Variants in FAM168A observed in about 807,000 individuals in gnomAD.
FAM168A encodes the protein protein FAM168A.
In FAM168A, 3 loss-of-function variants were observed where a neutral mutation model predicts 28.5. That is an observed-to-expected ratio of 0.11 (90% CI 0.05 to 0.27). The LOEUF (loss-of-function observed/expected upper bound fraction) is 0.27, where lower values mean the gene tolerates loss of function less well. Ranked by LOEUF, FAM168A falls within the 10% of genes least tolerant of loss-of-function variation. FAM168A has a pLI of 1.00. For missense variants in FAM168A, 222 were observed against 311.5 expected (o/e 0.71, Z 2.16); for synonymous variants, 122 against 124.2 (o/e 0.98, Z 0.12).
intron 1 of FAM168A, among the ~76,000 whole-genome samples, chr11:73,574,523 A>G (rs1034999577): frequency 2.6e-5 from 4 of 152,192 alleles, no homozygotes; most frequent in African/African-American, 9.7e-5. Context: ...TATTAGTTTA[A>G]CAGCATCACA....
At chr11:73,565,457 G>A (rs1455579761) in intron 1 of FAM168A, among the ~76,000 whole-genome samples, 1 of 152,030 alleles carries the variant, frequency 6.6e-6, no homozygotes, top group Non-Finnish European at 1.5e-5. Context: ...CGGTAGGTAG[G>A]GTTTGCATCT....
At chr11:73,531,182 A>C (rs959324682) in intron 1 of FAM168A, among the ~76,000 whole-genome samples, 1 of 152,186 alleles carries the variant, frequency 6.6e-6, no homozygotes, top group Non-Finnish European at 1.5e-5. Flanking sequence ...TTTACTCCCC[A>C]ATCTGAAAGA....
chr11:73,589,202 C>T (rs887749653), intron 1 of FAM168A, among the ~76,000 whole-genome samples: 3 of 151,928 alleles, frequency 2.0e-5, no homozygotes, highest in Admixed American at 1.3e-4. Context: ...AAATTATGCA[C>T]GGGTAAAAGA....
Position 73,571,990 on chromosome 11 carries a change from G to A in FAM168A, c.-19+25933C>T, listed in dbSNP as rs577589461. The stretch of plus-strand genomic sequence containing the variant: ...GCGTCTCTGCCCAGCCGCCCCGTCT[G>A]AGAAGTGAGGAGACCCTCCGCCTGG... On this transcript the variant is annotated intron_variant, in intron 1 of 7. Transcript: ENST00000356467. 5.8e-3 allele frequency among the ~76,000 whole-genome samples: 879 copies of A among 150,380 alleles called. 9 individuals are homozygous for A. Among genetic ancestry groups the A allele is most frequent in the Middle Eastern group, 0.029 (8 of 280 alleles).
intron 1 of FAM168A, among the ~76,000 whole-genome samples, chr11:73,594,319 C>T (rs918899362): frequency 2.0e-5 from 3 of 150,818 alleles, no homozygotes; most frequent in Non-Finnish European, 2.9e-5. Context: ...TCACTGGTCT[C>T]GAACTCCTAG....
At chr11:73,527,116 AT>A (rs1369629175) in intron 1 of FAM168A, among the ~76,000 whole-genome samples, 1 of 151,360 alleles carries the variant, frequency 6.6e-6, no homozygotes, top group African/African-American at 2.5e-5. Flanking sequence ...ACACTCCTTA[AT>A]CTTGTGTACT....
chr11:73,485,499 C>G (rs969402168), intron 1 of FAM168A, among the ~76,000 whole-genome samples: 8 of 152,176 alleles, frequency 5.3e-5, no homozygotes, highest in African/African-American at 1.9e-4. Flanking sequence ...GATAGACAAT[C>G]TGAACCTTGG....
chr11:73,430,276 A>AGG (rs1326945986), intron 3 of FAM168A: 7 of 156,900 alleles, frequency 4.5e-5, no homozygotes, highest in South Asian at 9.7e-5. Flanking sequence ...GTGTGTCCCA[A>AGG]GGTGTGTGTG....
chr11:73,541,155 A>G (rs2134676892), intron 1 of FAM168A, among the ~76,000 whole-genome samples: 1 of 152,116 alleles, frequency 6.6e-6, no homozygotes, highest in African/African-American at 2.4e-5. Context: ...CAGTGAGCCA[A>G]GAATGCATTA....
chr11:73,562,933 C>T (rs567303571), intron 1 of FAM168A, among the ~76,000 whole-genome samples: 3 of 152,250 alleles, frequency 2.0e-5, no homozygotes, highest in South Asian at 2.1e-4. Context: ...TCAATTCACA[C>T]GGGCCCCAGA....
intron 1 of FAM168A, among the ~76,000 whole-genome samples, chr11:73,516,373 A>C (rs1234473949): frequency 6.6e-6 from 1 of 152,198 alleles, no homozygotes; most frequent in Non-Finnish European, 1.5e-5. Flanking sequence ...CAAAATAATT[A>C]AATGAGAGAA....
At chr11:73,466,171 C>T (rs1308967631) in intron 2 of FAM168A, among the ~76,000 whole-genome samples, 1 of 152,202 alleles carries the variant, frequency 6.6e-6, no homozygotes, top group South Asian at 2.1e-4. Flanking sequence ...GACTTGACCC[C>T]CTGTACTTTT....
intron 2 of FAM168A, among the ~76,000 whole-genome samples, chr11:73,439,616 T>C (rs1043526003): frequency 2.6e-5 from 4 of 152,070 alleles, no homozygotes; most frequent in Admixed American, 1.3e-4. Context: ...AATCTAAAAA[T>C]ATCTCTGCAG....
chr11:73,412,571 C>A (rs534994174), intron 4 of FAM168A, among the ~76,000 whole-genome samples: 9 of 152,200 alleles, frequency 5.9e-5, no homozygotes, highest in Non-Finnish European at 1.3e-4. Context: ...AATCGTTCTA[C>A]GGAACCCAAG....
At chr11:73,542,943 C>T (rs1317840999) in intron 1 of FAM168A, among the ~76,000 whole-genome samples, 1 of 152,182 alleles carries the variant, frequency 6.6e-6, no homozygotes, top group Non-Finnish European at 1.5e-5. Flanking sequence ...AGTACATTCT[C>T]ACTTCAAGGA....
chr11:73,447,973 T>C (rs1001057909), intron 2 of FAM168A, among the ~76,000 whole-genome samples: 1 of 152,220 alleles, frequency 6.6e-6, no homozygotes. Flanking sequence ...GGGATAATAA[T>C]CACTTTGCAG....
chr11:73,588,385 A>G (rs1445862834), intron 1 of FAM168A, among the ~76,000 whole-genome samples: 1 of 152,188 alleles, frequency 6.6e-6, no homozygotes, highest in Non-Finnish European at 1.5e-5. Context: ...CTTAAACATT[A>G]TACAGTTCAG....
At chr11:73,459,966 C>T (rs566359643) in intron 2 of FAM168A, among the ~76,000 whole-genome samples, 16 of 150,064 alleles carry the variant, frequency 1.1e-4, no homozygotes, top group Middle Eastern at 3.4e-3. Flanking sequence ...CTGCAAGCTC[C>T]GCCTCCCGGG....
chr11:73,502,188 C>CA (rs112282375), intron 1 of FAM168A, among the ~76,000 whole-genome samples: 12,442 of 144,458 alleles, frequency 0.086, 595 homozygotes, highest in Non-Finnish European at 0.11. Context: ...AAAAAACCCT[C>CA]AAAAAAAAAA....
Sources: gnomAD v4.1 joint callset for allele counts (sites outside exome capture counted in the v4.1 genomes callset) on GRCh38, gnomAD v4.1.1 for gene constraint, MANE v1.5 for transcripts, NCBI Gene and HGNC (gene_info 2026-07-23, HGNC 2026-07-21) for gene names.